KCNQ5: variants seen among roughly 807,000 people sequenced by gnomAD.
KCNQ5 encodes the protein potassium voltage-gated channel subfamily Q member 5, also known as potassium voltage-gated channel subfamily KQT member 5.
A neutral mutation model predicts 98.2 loss-of-function variants in KCNQ5; 30 were observed. That is an observed-to-expected ratio of 0.31 (90% CI 0.23 to 0.41). KCNQ5 has a LOEUF of 0.41. Among genes scored for constraint, KCNQ5 ranks in the 10% least tolerant of loss-of-function variants. The pLI is 1.00. For missense variants in KCNQ5, 835 were observed against 1,182.5 expected, an observed-to-expected ratio of 0.71 and a Z score of 4.31; for synonymous variants, 458 against 449.4, an observed-to-expected ratio of 1.02 and a Z score of -0.24.
chr6:73,101,644 C>G (rs1468212923), intron 5 of KCNQ5, among the ~76,000 whole-genome samples: 1 of 151,886 alleles, frequency 6.6e-6, no homozygotes, highest in Admixed American at 6.6e-5. Context: ...AGAAAATAAT[C>G]CCATTTACAA....
chr6:72,984,360 C>A (rs1018364639), intron 1 of KCNQ5, among the ~76,000 whole-genome samples: 1 of 152,220 alleles, frequency 6.6e-6, no homozygotes, highest in Non-Finnish European at 1.5e-5. Flanking sequence ...GCTGCGTGGG[C>A]TCCACCCAGT....
intron 2 of KCNQ5, among the ~76,000 whole-genome samples, chr6:73,029,090 T>C (rs1463121289): frequency 6.6e-6 from 1 of 152,156 alleles, no homozygotes; most frequent in Non-Finnish European, 1.5e-5. Flanking sequence ...ATGTATTAAT[T>C]AAGACATATT....
intron 2 of KCNQ5, among the ~76,000 whole-genome samples, chr6:73,028,805 T>C (rs544262088): frequency 6.6e-6 from 1 of 152,320 alleles, no homozygotes; most frequent in East Asian, 1.9e-4. Context: ...TTAGTTAAAA[T>C]TGTGAATCAG....
intron 1 of KCNQ5, among the ~76,000 whole-genome samples, chr6:72,750,939 A>T (rs1204495137): frequency 6.6e-6 from 1 of 152,066 alleles, no homozygotes; most frequent in Admixed American, 6.6e-5. Flanking sequence ...TAAAAAAGAT[A>T]CATCTTCTGA....
At chr6:72,857,795 A>G (rs1582421631) in intron 1 of KCNQ5, among the ~76,000 whole-genome samples, 1 of 152,194 alleles carries the variant, frequency 6.6e-6, no homozygotes, top group East Asian at 1.9e-4. Context: ...TATGCAAGAG[A>G]GGAGACACAA....
intron 1 of KCNQ5, among the ~76,000 whole-genome samples, chr6:72,914,569 G>A (rs948879695): frequency 1.2e-4 from 17 of 146,042 alleles, no homozygotes; most frequent in Admixed American, 2.8e-4. Context: ...CTAGCATGCC[G>A]TAGAGTTCTC....
At chr6:72,747,942 A>G (rs577975117) in intron 1 of KCNQ5, among the ~76,000 whole-genome samples, 1 of 152,288 alleles carries the variant, frequency 6.6e-6, no homozygotes, top group South Asian at 2.1e-4. Flanking sequence ...CCCAAACTGT[A>G]GTTCAGTGGG....
At chr6:72,843,596 TG>T (rs1302238653) in intron 1 of KCNQ5, among the ~76,000 whole-genome samples, 1 of 152,212 alleles carries the variant, frequency 6.6e-6, no homozygotes, top group East Asian at 1.9e-4. Flanking sequence ...TTCACGATAT[TG>T]ATTCTTCCTA....
chr6:72,626,747 A>C (rs1191315315), intron 1 of KCNQ5, among the ~76,000 whole-genome samples: 3 of 152,234 alleles, frequency 2.0e-5, no homozygotes, highest in Non-Finnish European at 4.4e-5. Flanking sequence ...ACTATCGACT[A>C]TATGCTGTGG....
At chr6:72,937,711 G>A (rs148860351) in intron 1 of KCNQ5, among the ~76,000 whole-genome samples, 5 of 152,054 alleles carry the variant, frequency 3.3e-5, no homozygotes, top group Non-Finnish European at 5.9e-5. Context: ...AGAAAAATGT[G>A]TGTTACTCTT....
chr6:72,879,597 A>T (rs1380852185), intron 1 of KCNQ5, among the ~76,000 whole-genome samples: 1 of 152,152 alleles, frequency 6.6e-6, no homozygotes, highest in Non-Finnish European at 1.5e-5. Flanking sequence ...GTGTCTACAT[A>T]GACAATTTAA....
At chr6:73,139,716 T>C (rs1404242530) in intron 10 of KCNQ5, among the ~76,000 whole-genome samples, 1 of 152,104 alleles carries the variant, frequency 6.6e-6, no homozygotes, top group Non-Finnish European at 1.5e-5. Context: ...AATAAATAAA[T>C]TAGTATTTCA....
chr6:72,853,368 G>A (rs779400954), intron 1 of KCNQ5, among the ~76,000 whole-genome samples: 17 of 152,136 alleles, frequency 1.1e-4, no homozygotes, highest in Non-Finnish European at 1.3e-4. Context: ...GGGGGAGACA[G>A]TATCTCCTTC....
intron 1 of KCNQ5, among the ~76,000 whole-genome samples, chr6:72,713,146 G>A (rs1250395689): frequency 1.3e-5 from 2 of 152,096 alleles, no homozygotes; most frequent in Non-Finnish European, 2.9e-5. Context: ...CTAATATCAG[G>A]TTACACATTT....
intron 1 of KCNQ5, among the ~76,000 whole-genome samples, chr6:72,968,701 A>G (rs932608357): frequency 2.0e-5 from 3 of 152,264 alleles, no homozygotes; most frequent in Admixed American, 2.0e-4. Flanking sequence ...TTTATTTATC[A>G]GATTAACTAA....
chr6:72,906,584 T>G (rs1177496481), intron 1 of KCNQ5, among the ~76,000 whole-genome samples: 2 of 152,230 alleles, frequency 1.3e-5, no homozygotes, highest in Non-Finnish European at 2.9e-5. Context: ...CGCTGCTTCC[T>G]CTAACCCTGT....
chr6:73,044,435 T>C (rs553945576), intron 3 of KCNQ5, among the ~76,000 whole-genome samples: 1 of 152,306 alleles, frequency 6.6e-6, no homozygotes, highest in Non-Finnish European at 1.5e-5. Flanking sequence ...TAGAACAAAG[T>C]CTAGATTTGT....
chr6:73,105,333 C>A lies in KCNQ5; in HGVS notation c.995C>A (p.Ala332Glu). 1 of 1,612,244 alleles carries A rather than the reference C, an allele frequency of 6.2e-7. No individual in the cohort carries two copies. The highest frequency in any genetic ancestry group is 8.5e-7 in the Non-Finnish European group (1 of 1,178,918). The change falls in exon 6 of 14, where the codon GCA becomes GAA. Residue 332 changes from alanine to glutamate, a missense_variant. By Grantham distance (107) the Ala-to-Glu change is moderately radical (BLOSUM62 -1). This residue lies in a region of KCNQ5 where 30 missense variants were observed against 132.9 expected (regional missense o/e 0.23). Coordinates refer to ENST00000370398, the MANE Select transcript of KCNQ5 (RefSeq NM_019842.4). ...WLGRLLSAGF[A>E]LLGISFFALP... is the part of the protein sequence containing the mutation. ...GGAAGATTGCTTTCTGCAGGCTTTG[C>A]ACTCCTTGGCATTTCTTTCTTTGCA...
chr6:72,759,981 C>A (rs549881241), intron 1 of KCNQ5, among the ~76,000 whole-genome samples: 3 of 152,024 alleles, frequency 2.0e-5, no homozygotes, highest in African/African-American at 7.2e-5. Context: ...AATGAGACAA[C>A]CCTTACTAAA....
Sources: gnomAD v4.1 joint callset for allele counts (sites outside exome capture counted in the v4.1 genomes callset) on GRCh38, gnomAD v4.1.1 for gene constraint, gnomAD v4.1.1 regional missense constraint, MANE v1.5 for transcripts, NCBI Gene and HGNC (gene_info 2026-07-23, HGNC 2026-07-21) for gene names.